The following RB1 variants were observed in gnomAD, a reference collection of about 807,000 sequenced individuals.
RB1 encodes the protein retinoblastoma-associated protein.
RB1 carries 18 observed loss-of-function variants against 135.4 expected under a neutral mutation model. That is an observed-to-expected ratio of 0.13 (90% CI 0.09 to 0.20). RB1 has a LOEUF of 0.20. RB1 is among the 10% of genes least tolerant of loss of function. The pLI, the probability that RB1 is intolerant of heterozygous loss-of-function variation, is 1.00. For synonymous variants in RB1, 365 were observed against 373.2 expected, an observed-to-expected ratio of 0.98 and a Z score of 0.25; for missense variants, 868 against 1,110.0, an observed-to-expected ratio of 0.78 and a Z score of 3.10.
intron 17 of RB1, among the ~76,000 whole-genome samples, chr13:48,382,188 T>C (rs986560744): frequency 4.6e-5 from 7 of 152,234 alleles, no homozygotes; most frequent in African/African-American, 1.7e-4. Context: ...CATGTGTCTT[T>C]ATAGCAGCAT....
chr13:48,325,880 G>C (rs1050037579), intron 2 of RB1, among the ~76,000 whole-genome samples: 3 of 152,040 alleles, frequency 2.0e-5, no homozygotes, highest in African/African-American at 7.2e-5. Flanking sequence ...TAGGTCAGAA[G>C]GTATTCACAT....
At chr13:48,308,670 A>C (rs1018044257) in intron 2 of RB1, among the ~76,000 whole-genome samples, 5 of 151,398 alleles carry the variant, frequency 3.3e-5, no homozygotes, top group East Asian at 1.9e-4. Context: ...AACAAAAAAA[A>C]CCCCAGAACT....
At position 48,342,662 on chromosome 13, in the gene RB1, C is replaced by G. The variant is rs2138083849; in HGVS notation, c.328C>G (p.Leu110Val). ...CTGTATCTTTATTGCAGCAGTTGAC[C>G]TAGATGAGATGTCGTTCACTTTTAC... ...GICIFIAAVD[L>V]DEMSFTFTEL... Residue 110 changes from leucine (L) to valine (V), a missense_variant, in exon 3 of 27, where the codon CTA becomes GTA. By Grantham distance (32) the Leu-to-Val change is conservative (BLOSUM62 1). Transcript: ENST00000267163. 1.9e-6 allele frequency: 3 copies of G among 1,612,622 alleles called. No homozygotes were observed. Among genetic ancestry groups the G allele is most frequent in the Non-Finnish European group, 2.5e-6 (3 of 1,178,970 alleles).
intron 2 of RB1, among the ~76,000 whole-genome samples, chr13:48,312,905 A>C (rs116774252): frequency 0.024 from 3,634 of 152,092 alleles, 143 homozygotes; most frequent in African/African-American, 0.084. Flanking sequence ...TTTGCTTTAA[A>C]ATTTATTTTT....
intron 1 of RB1, among the ~76,000 whole-genome samples, chr13:48,306,396 C>T (rs915751574): frequency 3.9e-5 from 6 of 152,098 alleles, no homozygotes; most frequent in Non-Finnish European, 7.4e-5. Context: ...CAGAGTGAAA[C>T]CCTATTTCAA....
At chr13:48,366,935 A>G (rs937565197) in intron 9 of RB1, among the ~76,000 whole-genome samples, 2 of 152,102 alleles carry the variant, frequency 1.3e-5, no homozygotes, top group Admixed American at 6.6e-5. Context: ...CTTGGCCAAC[A>G]TGGCGAAACC....
At position 48,480,914 on chromosome 13, in the gene RB1, A is replaced by C; in HGVS notation, c.*843A>C. ...TTGAAAAAGTAAAGTGTTCTGCCAG[A>C]TCTTAGGTATAGAGGACCCTAACAC... On this transcript the variant is annotated 3_prime_UTR_variant, in exon 27 of 27. Transcript: ENST00000267163. 4.4e-6 allele frequency: 1 copy of C among 228,900 alleles called. No individual in the cohort carries two copies. Among genetic ancestry groups the C allele is most frequent in the East Asian group, 6.3e-5 (1 of 15,834 alleles). 14.2% of individuals were successfully genotyped at this position (228,900 alleles called of 1,614,324 possible). A position where few individuals can be genotyped will look rare whatever the true frequency, so the allele number is the denominator to read the frequency against.
intron 17 of RB1, chr13:48,411,294 C>A: frequency 9.8e-7 from 1 of 1,015,316 alleles, no homozygotes; most frequent in Non-Finnish European, 1.5e-6. Flanking sequence ...GTGTTAATTT[C>A]TTTTGGAGGT....
intron 17 of RB1, among the ~76,000 whole-genome samples, chr13:48,403,978 G>C (rs1948716310): frequency 6.6e-6 from 1 of 152,106 alleles, no homozygotes; most frequent in African/African-American, 2.4e-5. Context: ...TCCAGTCTGG[G>C]TGACAGAATG....
chr13:48,453,544 A>G (rs1949341938), intron 18 of RB1, among the ~76,000 whole-genome samples: 1 of 152,020 alleles, frequency 6.6e-6, no homozygotes, highest in Non-Finnish European at 1.5e-5. Flanking sequence ...GATGTGGACT[A>G]ACACACAGTT....
chr13:48,432,998 C>T (rs1949145634), intron 17 of RB1, among the ~76,000 whole-genome samples: 1 of 152,026 alleles, frequency 6.6e-6, no homozygotes, highest in African/African-American at 2.4e-5. Flanking sequence ...GGATACTGCT[C>T]TTTCTTTTTA....
At chr13:48,475,725 G>A (rs1949500122) in intron 24 of RB1, among the ~76,000 whole-genome samples, 1 of 152,178 alleles carries the variant, frequency 6.6e-6, no homozygotes, top group Admixed American at 6.5e-5. Flanking sequence ...TGGGGTCATT[G>A]GGAGCCATCT....
At chr13:48,474,444 AT>A (rs1297287031) in intron 24 of RB1, among the ~76,000 whole-genome samples, 1 of 152,180 alleles carries the variant, frequency 6.6e-6, no homozygotes, top group African/African-American at 2.4e-5. Context: ...CAAAGACCAA[AT>A]ATCTTTCAAT....
rs3092866 is a variant in RB1 at position 48,359,986 on chromosome 13, C to T, written c.608-31C>T. ...CTCATACAAAGATCTGAATCTCTAA[C>T]TTTCTTTAAAAATGTACATTTTTTT... On this transcript the variant is annotated intron_variant, in intron 6 of 26. Transcript: ENST00000267163. 3.7e-6 allele frequency: 6 copies of T among 1,607,510 alleles called. No individual in the cohort carries two copies. In the Admixed American group the frequency reaches 8.4e-5, roughly 22 times the overall value.
At chr13:48,314,487 C>A (rs2138044583) in intron 2 of RB1, among the ~76,000 whole-genome samples, 1 of 152,242 alleles carries the variant, frequency 6.6e-6, no homozygotes, top group South Asian at 2.1e-4. Flanking sequence ...GAAATAAAAT[C>A]TATTTTTTTT....
intron 2 of RB1, chr13:48,317,210 T>G: frequency 4.3e-6 from 2 of 461,876 alleles, no homozygotes; most frequent in Non-Finnish European, 7.3e-6. Flanking sequence ...GAGGCTGGCC[T>G]GCCTGCCCCC....
chr13:48,457,696 C>T (rs9568042), intron 19 of RB1, among the ~76,000 whole-genome samples: 81,729 of 152,154 alleles, frequency 0.54, 25,649 homozygotes, highest in Non-Finnish European at 0.68. Context: ...CCCCCCCGTG[C>T]TCGTCAGCGC....
chr13:48,318,977 C>T lies in RB1; in HGVS notation c.264+11571C>T, dbSNP rs368288103. The T allele has an allele frequency of 5.1e-6, 4 of 786,720 alleles. No homozygotes were observed. The African/African-American group carries it at 6.8e-5, about 13-fold the overall frequency. 48.7% of individuals were successfully genotyped at this position (786,720 alleles called of 1,614,324 possible). A position where few individuals can be genotyped will look rare whatever the true frequency, so the allele number is the denominator to read the frequency against. On this transcript the variant is annotated intron_variant, in intron 2 of 26. Transcript: ENST00000267163. ...GAAGCGTGGGCTTGCAGAAAGGGAC[C>T]TGTTGCTGCCTTACATGGGGGCCGG...
At chr13:48,328,001 G>C (rs1197385843) in intron 2 of RB1, 3 of 659,188 alleles carry the variant, frequency 4.6e-6, no homozygotes, top group Non-Finnish European at 8.2e-6. Context: ...TCCAAAGGTA[G>C]TCTTATACCA....
Sources: allele counts gnomAD v4.1 joint callset (sites outside exome capture counted in the v4.1 genomes callset), GRCh38; gene constraint gnomAD v4.1.1; transcripts MANE v1.5; gene names NCBI Gene and HGNC (gene_info 2026-07-23, HGNC 2026-07-21).